Variants in NSG1 observed in about 807,000 individuals in gnomAD.
The protein encoded by NSG1 is neuronal vesicle trafficking-associated protein 1.
A neutral mutation model predicts 19.3 loss-of-function variants in NSG1; 9 were observed. That is an observed-to-expected ratio of 0.47 (90% CI 0.28 to 0.81). The LOEUF (loss-of-function observed/expected upper bound fraction) is 0.81, where lower values mean the gene tolerates loss of function less well. Ranked by LOEUF, NSG1 falls within the 40% of genes least tolerant of loss-of-function variation. The probability of loss-of-function intolerance (pLI) is 0.11; values close to 1 mark genes in which losing one functional copy is unlikely to be tolerated. For synonymous variants in NSG1, 104 were observed against 107.0 expected, an observed-to-expected ratio of 0.97 and a Z score of 0.17; for missense variants, 236 against 242.4, an observed-to-expected ratio of 0.97 and a Z score of 0.18.
At chr4:4,390,450 C>T (rs569898044) in intron 2 of NSG1, among the ~76,000 whole-genome samples, 28 of 152,358 alleles carry the variant, frequency 1.8e-4, no homozygotes, top group South Asian at 4.1e-4. Flanking sequence ...TCTGGCTGCC[C>T]GCCTGGGGCT....
chr4:4,390,557 C>CG (rs1722938749), intron 2 of NSG1, among the ~76,000 whole-genome samples: 1 of 152,156 alleles, frequency 6.6e-6, no homozygotes, highest in South Asian at 2.1e-4. Context: ...CCTCGTCCCT[C>CG]GGGGGAGAAA....
intron 4 of NSG1, among the ~76,000 whole-genome samples, chr4:4,409,916 G>A (rs1031733128): frequency 5.9e-5 from 9 of 152,240 alleles, no homozygotes; most frequent in Non-Finnish European, 1.2e-4. Flanking sequence ...TGGCCCCTGG[G>A]AGCTGACCTC....
At chr4:4,390,385 C>T (rs1422206395) in intron 2 of NSG1, among the ~76,000 whole-genome samples, 1 of 152,238 alleles carries the variant, frequency 6.6e-6, no homozygotes, top group African/African-American at 2.4e-5. Context: ...ATGGGCTCCG[C>T]TGTTCTTTCT....
chr4:4,402,385 T>A (rs1723603136), intron 3 of NSG1, among the ~76,000 whole-genome samples: 2 of 91,724 alleles, frequency 2.2e-5, no homozygotes, highest in Admixed American at 1.1e-4. Context: ...TTTTTTTTTT[T>A]TTTTTTTTTT....
intron 4 of NSG1, among the ~76,000 whole-genome samples, chr4:4,415,386 C>G (rs959881783): frequency 6.6e-6 from 1 of 152,146 alleles, no homozygotes; most frequent in African/African-American, 2.4e-5. Context: ...CAAGTGCAGG[C>G]CCAGCTGAGT....
At chr4:4,392,971 C>T (rs761712986) in intron 3 of NSG1, among the ~76,000 whole-genome samples, 8 of 152,112 alleles carry the variant, frequency 5.3e-5, no homozygotes, top group Non-Finnish European at 7.4e-5. Context: ...CATACTGATC[C>T]GAGGTCAATA....
chr4:4,389,718 A>AC (rs748800831), intron 2 of NSG1, among the ~76,000 whole-genome samples: 8 of 152,102 alleles, frequency 5.3e-5, no homozygotes, highest in Non-Finnish European at 1.0e-4. Flanking sequence ...GTGGTGACAC[A>AC]GTTGGGTTAT....
intron 3 of NSG1, among the ~76,000 whole-genome samples, chr4:4,399,919 G>A (rs1209657200): frequency 6.6e-6 from 1 of 152,216 alleles, no homozygotes; most frequent in East Asian, 1.9e-4. Flanking sequence ...TCTGACAGGA[G>A]ACAGAGCTCA....
intron 3 of NSG1, among the ~76,000 whole-genome samples, chr4:4,394,941 C>A (rs1019334055): frequency 5.9e-5 from 9 of 152,214 alleles, no homozygotes; most frequent in Non-Finnish European, 1.5e-5. Flanking sequence ...AGACAGGTGA[C>A]CTGCTCAAGA....
intron 3 of NSG1, among the ~76,000 whole-genome samples, chr4:4,398,273 T>A (rs1723371958): frequency 6.6e-6 from 1 of 152,184 alleles, no homozygotes; most frequent in Admixed American, 6.5e-5. Context: ...TTTAAATAAT[T>A]GTGGTAAAAT....
chr4:4,399,541 T>C (rs987567493), intron 3 of NSG1, among the ~76,000 whole-genome samples: 2 of 150,290 alleles, frequency 1.3e-5, no homozygotes, highest in South Asian at 2.1e-4. Flanking sequence ...TTGTAAGATA[T>C]GTGATTTGTA....
chr4:4,409,500 T>G, intron 3 of NSG1, 73 bp from the exon 4 acceptor site: 1 of 1,108,006 alleles, frequency 9.0e-7, no homozygotes, highest in Non-Finnish European at 1.4e-6. Flanking sequence ...GGGGGGGGCC[T>G]TCGTGTGCGG....
chr4:4,386,923 T>A (rs1722743383), upstream of NSG1: 1 of 151,736 alleles, frequency 6.6e-6, no homozygotes, highest in South Asian at 2.1e-4. Flanking sequence ...CCCGCACTCC[T>A]TTGTGCGGCC....
At chr4:4,404,020 T>C (rs1381696415) in intron 3 of NSG1, among the ~76,000 whole-genome samples, 1 of 152,230 alleles carries the variant, frequency 6.6e-6, no homozygotes, top group Non-Finnish European at 1.5e-5. Context: ...CTATCGCTAC[T>C]TGGAGTGGAG....
At chr4:4,411,892 A>T (rs1414243695) in intron 4 of NSG1, among the ~76,000 whole-genome samples, 1 of 152,094 alleles carries the variant, frequency 6.6e-6, no homozygotes, top group East Asian at 1.9e-4. Flanking sequence ...TAAAATACTG[A>T]TTAAAAAGTA....
At chr4:4,415,948 T>C in intron 4 of NSG1, 1 of 620,038 alleles carries the variant, frequency 1.6e-6, no homozygotes, top group Non-Finnish European at 2.9e-6. Context: ...GTTTGTTCTG[T>C]AGCGTGTCAG....
intron 4 of NSG1, 86 bp from the exon 5 acceptor site, chr4:4,417,149 C>G: frequency 2.7e-6 from 3 of 1,123,972 alleles, no homozygotes; most frequent in Non-Finnish European, 4.0e-6. Context: ...AGGGAAGGTG[C>G]TCAGTAACTG....
chr4:4,412,209 G>A (rs1051094430), intron 4 of NSG1, among the ~76,000 whole-genome samples: 2 of 152,184 alleles, frequency 1.3e-5, no homozygotes, highest in South Asian at 4.1e-4. Flanking sequence ...TTCCCCACAG[G>A]GAGGAGGGGG....
rs887267578 is a variant in NSG1, at chr4:4,418,695, T to C, written c.*1260T>C. 6.6e-6 allele frequency: 1 copy of C among 152,636 alleles called. No homozygotes were observed. The highest frequency in any genetic ancestry group is 2.4e-5 in the African/African-American group (1 of 41,442). The allele number at this position is 152,636 out of a possible 1,614,324, so 9.5% of individuals were successfully genotyped here. On this transcript the variant is annotated 3_prime_UTR_variant, in exon 5 of 5. Coordinates refer to ENST00000621129, the MANE Select transcript of NSG1 (RefSeq NM_014392.5). ...AATAAACGACAAATAGTGTGAGATGTGTTGTGAACAGGCATGGTGACCGTG... is the reference window on the plus strand; with the variant it reads ...AATAAACGACAAATAGTGTGAGATGCGTTGTGAACAGGCATGGTGACCGTG...
Sources: gnomAD v4.1 joint callset for allele counts (sites outside exome capture counted in the v4.1 genomes callset) on GRCh38, gnomAD v4.1.1 for gene constraint, MANE v1.5 for transcripts, NCBI Gene and HGNC (gene_info 2026-07-23, HGNC 2026-07-21) for gene names.